The following COL11A1 variants were observed in gnomAD, a reference collection of about 807,000 sequenced individuals.
COL11A1 encodes collagen type XI alpha 1 chain, also known as collagen alpha-1(XI) chain.
A neutral mutation model predicts 265.2 loss-of-function variants in COL11A1; 74 were observed. The observed-to-expected ratio is 0.28, with a 90% CI of 0.23 to 0.34. The LOEUF is 0.34. Among genes scored for constraint, COL11A1 ranks in the 10% least tolerant of loss-of-function variants. COL11A1 has a pLI of 1.00. For missense variants in COL11A1, 2,165 were observed against 2,263.6 expected, an observed-to-expected ratio of 0.96 and a Z score of 0.88; for synonymous variants, 816 against 727.6, an observed-to-expected ratio of 1.12 and a Z score of -1.96.
chr1:102,989,211 T>C (rs1663874122), intron 29 of COL11A1, among the ~76,000 whole-genome samples: 1 of 151,964 alleles, frequency 6.6e-6, no homozygotes, highest in Non-Finnish European at 1.5e-5. Flanking sequence ...TTGATCTAAC[T>C]TTCTAATGTC....
chr1:103,102,718 A>G (rs1277151834), intron 1 of COL11A1, among the ~76,000 whole-genome samples: 2 of 152,070 alleles, frequency 1.3e-5, no homozygotes, highest in Non-Finnish European at 2.9e-5. Context: ...GAGATATCTC[A>G]GCATTTTTTA....
chr1:102,928,178 C>A (rs1656861960), intron 46 of COL11A1, among the ~76,000 whole-genome samples: 1 of 151,834 alleles, frequency 6.6e-6, no homozygotes. Flanking sequence ...TATACATGTG[C>A]AATGCTGGTG....
chr1:102,901,076 T>C (rs1349773341), intron 54 of COL11A1, among the ~76,000 whole-genome samples: 2 of 152,030 alleles, frequency 1.3e-5, no homozygotes, highest in African/African-American at 4.8e-5. Flanking sequence ...TCCCAGCATT[T>C]TGGGAGACCA....
chr1:103,083,541 A>T (rs1269077614), intron 1 of COL11A1, among the ~76,000 whole-genome samples: 1 of 152,124 alleles, frequency 6.6e-6, no homozygotes, highest in Admixed American at 6.6e-5. Flanking sequence ...GCACCTACTT[A>T]GTCATTTTGT....
In COL11A1 at chr1:103,021,887, G is replaced by GCC. The variant is rs1667109595; in HGVS notation, c.1246-120_1246-119dup. 8 of 787,252 alleles carry GCC rather than the reference G, an allele frequency of 1.0e-5. No homozygotes were observed. The Admixed American group carries it at 1.5e-4, about 15-fold the overall frequency. 48.8% of individuals were successfully genotyped at this position (787,252 alleles called of 1,614,324 possible). ...TTTGAAGACGGAGTCTCCCTCTGTT[G>GCC]CCCAGGTTAGAGTGCAGTGGCTCGA... On this transcript the variant is annotated intron_variant, in intron 8 of 66. Transcript: ENST00000370096.
At chr1:102,882,922 G>C (rs1650437960) in intron 64 of COL11A1, among the ~76,000 whole-genome samples, 1 of 152,160 alleles carries the variant, frequency 6.6e-6, no homozygotes, top group Non-Finnish European at 1.5e-5. Flanking sequence ...TAAAATTTGA[G>C]ATTCAGCTGT....
chr1:102,954,310 C>T (rs776367062), intron 41 of COL11A1, among the ~76,000 whole-genome samples: 59 of 152,090 alleles, frequency 3.9e-4, no homozygotes, highest in Non-Finnish European at 7.5e-4. Context: ...AAAGTATTCC[C>T]CTAATCCCTC....
At chr1:102,918,553 T>C (rs1008332349) in intron 49 of COL11A1, among the ~76,000 whole-genome samples, 4 of 150,554 alleles carry the variant, frequency 2.7e-5, no homozygotes, top group African/African-American at 9.7e-5. Flanking sequence ...TTAGAAATTA[T>C]ACTATTCTTG....
chr1:102,913,730 G>A, intron 52 of COL11A1, 40 bp from the exon 53 acceptor site: 2 of 1,569,558 alleles, frequency 1.3e-6, no homozygotes, highest in Non-Finnish European at 1.8e-6. Flanking sequence ...ATATATCTCA[G>A]TATCAATAAA....
intron 57 of COL11A1, among the ~76,000 whole-genome samples, chr1:102,893,824 C>G (rs1225865351): frequency 1.3e-5 from 2 of 152,052 alleles, no homozygotes; most frequent in Non-Finnish European, 1.5e-5. Flanking sequence ...TTTATTTAAA[C>G]CTTTTTAATC....
At chr1:102,937,915 G>A (rs779303449) in intron 44 of COL11A1, among the ~76,000 whole-genome samples, 6 of 152,120 alleles carry the variant, frequency 3.9e-5, no homozygotes, top group Non-Finnish European at 5.9e-5. Flanking sequence ...TCAAACATAT[G>A]CAGCCGGTTT....
At chr1:102,984,225 T>C (rs776758463) in intron 30 of COL11A1, 34 bp from the exon 31 acceptor site, 54 of 1,374,802 alleles carry the variant, frequency 3.9e-5, no homozygotes, top group Middle Eastern at 4.1e-4. Context: ...CAAAGTAATA[T>C]TTTAAGTTGA....
chr1:103,093,084 T>A (rs186130266), intron 1 of COL11A1, among the ~76,000 whole-genome samples: 6 of 152,224 alleles, frequency 3.9e-5, no homozygotes, highest in Admixed American at 3.9e-4. Flanking sequence ...GCAAAACATC[T>A]TTTTTAAAAT....
Position 102,879,753 on chromosome 1 carries a change from A to AG in COL11A1, c.5203dup (p.Leu1735ProfsTer5), listed in dbSNP as rs1427033385. On this transcript the variant is annotated frameshift_variant, in exon 66 of 67. Coordinates refer to ENST00000370096, the MANE Select transcript of COL11A1 (RefSeq NM_001854.4). LOFTEE classifies it high-confidence loss of function. ...GGACATCTCCTCATCATTTGATCCC[A>AG]GGAAGCGAAGTGCTTTGTCATAACT... The AG allele has an allele frequency of 6.2e-7, 1 of 1,614,022 alleles. No homozygotes were observed. Among genetic ancestry groups the AG allele is most frequent in the South Asian group, 1.1e-5 (1 of 91,088 alleles).
At chr1:102,987,797 A>T in intron 29 of COL11A1, 57 bp from the exon 30 acceptor site, 1 of 1,309,158 alleles carries the variant, frequency 7.6e-7, no homozygotes, top group South Asian at 1.2e-5. Context: ...AAAAATTGTA[A>T]CAGGGAAAAA....
intron 5 of COL11A1, among the ~76,000 whole-genome samples, chr1:103,029,153 C>A (rs1409150874): frequency 6.6e-6 from 1 of 151,666 alleles, no homozygotes; most frequent in Non-Finnish European, 1.5e-5. Flanking sequence ...ACTAAGTAGA[C>A]AAAATTATAA....
chr1:102,905,573 T>C (rs1453080914), intron 54 of COL11A1, among the ~76,000 whole-genome samples: 1 of 151,594 alleles, frequency 6.6e-6, no homozygotes, highest in African/African-American at 2.4e-5. Context: ...CTTTCTCAGT[T>C]GACTCATAGT....
rs1280314839 is a variant in COL11A1, at chr1:103,025,458, T to C, written c.990+63A>G. 3 of 1,113,204 alleles carry C rather than the reference T, an allele frequency of 2.7e-6. No individual in the cohort carries two copies. The African/African-American group carries it at 4.6e-5, about 17-fold the overall frequency. 69.0% of individuals were successfully genotyped at this position (1,113,204 alleles called of 1,614,324 possible). A position where few individuals can be genotyped will look rare whatever the true frequency, so the allele number is the denominator to read the frequency against. On this transcript the variant is annotated intron_variant, in intron 7 of 66. Coordinates refer to ENST00000370096, the MANE Select transcript of COL11A1 (RefSeq NM_001854.4). Reference sequence around the variant, plus strand: ...TTATAGATTCTTCCAGAGTGAAGTATATCAAAATAAATTACATATTTAAAA... The same window carrying C: ...TTATAGATTCTTCCAGAGTGAAGTACATCAAAATAAATTACATATTTAAAA...
intron 42 of COL11A1, among the ~76,000 whole-genome samples, chr1:102,941,582 T>C (rs1021051966): frequency 6.6e-6 from 1 of 152,216 alleles, no homozygotes; most frequent in Non-Finnish European, 1.5e-5. Flanking sequence ...TCTGATGCCA[T>C]GTCCATTCCT....
Sources: allele counts gnomAD v4.1 joint callset (sites outside exome capture counted in the v4.1 genomes callset), GRCh38; gene constraint gnomAD v4.1.1; transcripts MANE v1.5; gene names NCBI Gene and HGNC (gene_info 2026-07-23, HGNC 2026-07-21).